AGBL4: variants seen among roughly 807,000 people sequenced by gnomAD.
AGBL4 encodes cytosolic carboxypeptidase 6.
AGBL4 carries 58 observed loss-of-function variants against 66.4 expected under a neutral mutation model. That is an observed-to-expected ratio of 0.87 (90% CI 0.71 to 1.09). The LOEUF is 1.09. AGBL4 is among the 50% of genes least tolerant of loss of function. The probability of loss-of-function intolerance (pLI) is 0.00; values close to 1 mark genes in which losing one functional copy is unlikely to be tolerated. For synonymous variants in AGBL4, 234 were observed against 222.9 expected, an observed-to-expected ratio of 1.05 and a Z score of -0.44; for missense variants, 579 against 631.0, an observed-to-expected ratio of 0.92 and a Z score of 0.88.
At chr1:48,829,253 C>G (rs970805188) in intron 6 of AGBL4, among the ~76,000 whole-genome samples, 1 of 152,218 alleles carries the variant, frequency 6.6e-6, no homozygotes, top group Non-Finnish European at 1.5e-5. Context: ...AATTAAAGAA[C>G]TATACCAGGA....
chr1:49,948,180 CTATA>C (rs1424287547), intron 1 of AGBL4, among the ~76,000 whole-genome samples: 3 of 82,434 alleles, frequency 3.6e-5, no homozygotes, highest in Admixed American at 3.9e-4. Context: ...ATATATATAA[CTATA>C]TATAAATATA....
chr1:49,283,193 C>T (rs575974839), intron 3 of AGBL4, among the ~76,000 whole-genome samples: 2 of 152,302 alleles, frequency 1.3e-5, no homozygotes, highest in Admixed American at 1.3e-4. Flanking sequence ...CAGACTGCCT[C>T]CTCAAGTGGG....
the AGBL4 span, among the ~76,000 whole-genome samples, chr1:48,525,809 G>A: frequency 6.6e-6 from 1 of 152,192 alleles, no homozygotes; most frequent in African/African-American, 2.4e-5. Context: ...AGGATAGAAT[G>A]TGGCTTGGGT....
intron 5 of AGBL4, among the ~76,000 whole-genome samples, chr1:48,996,817 C>T (rs201444925): frequency 7.4e-5 from 11 of 147,852 alleles, no homozygotes; most frequent in South Asian, 2.2e-4. Context: ...CTTCCTTCCT[C>T]CCTTCCTTCC....
At chr1:49,109,774 C>T (rs1274869127) in intron 4 of AGBL4, among the ~76,000 whole-genome samples, 1 of 152,122 alleles carries the variant, frequency 6.6e-6, no homozygotes, top group East Asian at 1.9e-4. Flanking sequence ...TCCACCTTTC[C>T]CCGTCCACTT....
chr1:49,157,159 C>T (rs909083297), intron 4 of AGBL4, among the ~76,000 whole-genome samples: 2 of 151,812 alleles, frequency 1.3e-5, no homozygotes, highest in African/African-American at 4.8e-5. Context: ...CAGGTATACA[C>T]GTGCCATGGT....
At chr1:49,401,463 C>G (rs1236119348) in intron 3 of AGBL4, among the ~76,000 whole-genome samples, 3 of 152,188 alleles carry the variant, frequency 2.0e-5, no homozygotes, top group Non-Finnish European at 4.4e-5. Context: ...TGATGTATCA[C>G]ATTAGTAGAT....
chr1:49,820,617 A>C (rs573470381), intron 2 of AGBL4, among the ~76,000 whole-genome samples: 13 of 152,312 alleles, frequency 8.5e-5, no homozygotes, highest in African/African-American at 2.9e-4. Flanking sequence ...CCAAAGTGGT[A>C]ACAAGTACAT....
intron 5 of AGBL4, among the ~76,000 whole-genome samples, chr1:48,913,646 C>T (rs1457392646): frequency 2.0e-5 from 3 of 152,104 alleles, no homozygotes; most frequent in Non-Finnish European, 4.4e-5. Flanking sequence ...GTTTTAGTTG[C>T]AGGAAAACAA....
At chr1:49,158,158 C>T (rs561416887) in intron 4 of AGBL4, among the ~76,000 whole-genome samples, 1 of 152,202 alleles carries the variant, frequency 6.6e-6, no homozygotes, top group Admixed American at 6.5e-5. Flanking sequence ...CCCTTCCTTA[C>T]ACCTTATACA....
At chr1:48,543,715 C>T (rs554068326) in intron 11 of AGBL4, among the ~76,000 whole-genome samples, 2 of 152,272 alleles carry the variant, frequency 1.3e-5, no homozygotes, top group South Asian at 4.1e-4. Context: ...GTTCTCAGTA[C>T]CTTCTTCAAG....
intron 1 of AGBL4, among the ~76,000 whole-genome samples, chr1:49,944,027 C>T (rs988936924): frequency 1.3e-5 from 2 of 151,990 alleles, no homozygotes; most frequent in South Asian, 4.2e-4. Flanking sequence ...CCCCCATCCC[C>T]CACAGCAGCA....
chr1:49,672,790 C>T (rs1489592623), intron 3 of AGBL4, among the ~76,000 whole-genome samples: 5 of 151,456 alleles, frequency 3.3e-5, no homozygotes, highest in Non-Finnish European at 7.4e-5. Context: ...GGCGTGGTGG[C>T]GGGCACCTGT....
intron 3 of AGBL4, among the ~76,000 whole-genome samples, chr1:49,326,615 G>T (rs7522609): frequency 3.3e-5 from 5 of 151,910 alleles, no homozygotes; most frequent in African/African-American, 1.2e-4. Context: ...GAAAGAATGA[G>T]AGAAGGAAGA....
At chr1:48,893,997 G>A (rs994654736) in intron 5 of AGBL4, among the ~76,000 whole-genome samples, 4 of 152,214 alleles carry the variant, frequency 2.6e-5, no homozygotes, top group Admixed American at 1.3e-4. Context: ...ACCTGCTTAA[G>A]CTTTCATCAT....
At chr1:50,022,613 ACCACAC>A (rs1006179860) in intron 1 of AGBL4, among the ~76,000 whole-genome samples, 1 of 88,668 alleles carries the variant, frequency 1.1e-5, no homozygotes, top group Non-Finnish European at 2.1e-5. Context: ...ATGTACCATA[ACCACAC>A]ACACACACAC....
chr1:49,987,687 T>G (rs1266765182), intron 1 of AGBL4, among the ~76,000 whole-genome samples: 1 of 152,046 alleles, frequency 6.6e-6, no homozygotes, highest in African/African-American at 2.4e-5. Flanking sequence ...ATATAGAAAT[T>G]ATACACTTTT....
intron 4 of AGBL4, among the ~76,000 whole-genome samples, chr1:49,093,102 A>G (rs929836087): frequency 1.3e-5 from 2 of 152,118 alleles, no homozygotes; most frequent in Admixed American, 6.6e-5. Context: ...ATTATCACCA[A>G]TAATTAGGGC....
At chr1:49,132,863 A>G (rs1645927598) in intron 4 of AGBL4, among the ~76,000 whole-genome samples, 1 of 152,196 alleles carries the variant, frequency 6.6e-6, no homozygotes. Context: ...CAGAAATACC[A>G]TTTGACCCAG....
Sources: allele counts gnomAD v4.1 joint callset (sites outside exome capture counted in the v4.1 genomes callset), GRCh38; gene constraint gnomAD v4.1.1; transcripts MANE v1.5; gene names NCBI Gene and HGNC (gene_info 2026-07-23, HGNC 2026-07-21).